SIK2: variants seen among roughly 807,000 people sequenced by gnomAD.
The protein encoded by SIK2 is salt inducible kinase 2, also known as serine/threonine-protein kinase SIK2.
In SIK2, 29 loss-of-function variants were observed where a neutral mutation model predicts 103.2. That is an observed-to-expected ratio of 0.28 (90% CI 0.21 to 0.38). SIK2 has a LOEUF of 0.38. SIK2 is among the 10% of genes least tolerant of loss of function. SIK2 has a pLI of 1.00. For missense variants in SIK2, 879 were observed against 1,171.0 expected, an observed-to-expected ratio of 0.75 and a Z score of 3.64; for synonymous variants, 412 against 446.1, an observed-to-expected ratio of 0.92 and a Z score of 0.96.
At chr11:111,721,773 C>G in intron 12 of SIK2, 57 bp from the exon 13 acceptor site, 1 of 1,389,482 alleles carries the variant, frequency 7.2e-7, no homozygotes, top group Non-Finnish European at 9.9e-7. Flanking sequence ...CAGCTAAGAA[C>G]TGAGACGTTT....
chr11:111,616,291 G>A lies in SIK2; in HGVS notation c.184G>A (p.Glu62Lys). The A allele has an allele frequency of 6.2e-7, 1 of 1,613,780 alleles. No homozygotes were observed. Among genetic ancestry groups the A allele is most frequent in the Non-Finnish European group, 8.5e-7 (1 of 1,179,860 alleles). Residue 62 changes from glutamate (E) to lysine (K), a missense_variant, in exon 2 of 15, where the codon GAG becomes AAG. Physicochemically the swap from Glu to Lys is moderately conservative, Grantham distance 56. This residue lies in a region of SIK2 where 126 missense variants were observed against 245.5 expected (regional missense o/e 0.51). Coordinates refer to ENST00000304987, the MANE Select transcript of SIK2 (RefSeq NM_015191.3). ...GTCTCAGCTGGATGCAGTGAACCTTGAGAAAATCTACCGAGAAGTACAAAT... is the reference window on the plus strand; with the variant it reads ...GTCTCAGCTGGATGCAGTGAACCTTAAGAAAATCTACCGAGAAGTACAAAT... The part of the protein sequence containing the change: ...DKSQLDAVNL[E>K]KIYREVQIMK...
At chr11:111,663,700 T>C (rs1269192039) in intron 3 of SIK2, among the ~76,000 whole-genome samples, 1 of 152,112 alleles carries the variant, frequency 6.6e-6, no homozygotes, top group Non-Finnish European at 1.5e-5. Context: ...CATGAGACGA[T>C]GGTGTCTTGG....
intron 2 of SIK2, among the ~76,000 whole-genome samples, chr11:111,616,864 C>T (rs908425080): frequency 5.3e-5 from 8 of 151,802 alleles, no homozygotes; most frequent in Middle Eastern, 3.2e-3. Flanking sequence ...ATGTATGATA[C>T]GCTGCTTTTT....
chr11:111,623,041 T>C (rs1308090561), intron 3 of SIK2, among the ~76,000 whole-genome samples: 3 of 152,210 alleles, frequency 2.0e-5, no homozygotes, highest in African/African-American at 7.2e-5. Flanking sequence ...GTCAAATGTA[T>C]ATTAAACTGT....
At chr11:111,640,860 G>A (rs959843071) in intron 3 of SIK2, among the ~76,000 whole-genome samples, 7 of 148,240 alleles carry the variant, frequency 4.7e-5, no homozygotes, top group Admixed American at 1.4e-4. Flanking sequence ...TCAGCCTTCC[G>A]AGTAGCTGGG....
In SIK2 at chr11:111,705,182, G is replaced by A; in HGVS notation, c.1101+43G>A. 6.8e-7 allele frequency: 1 copy of A among 1,476,932 alleles called. No homozygotes were observed. Among genetic ancestry groups the A allele is most frequent in the Non-Finnish European group, 8.9e-7 (1 of 1,119,832 alleles). The allele number at this position is 1,476,932 out of a possible 1,614,324, so 91.5% of individuals were successfully genotyped here. On this transcript the variant is annotated intron_variant, in intron 8 of 14. Transcript: ENST00000304987. This position sits in a 1 kb window ranked among gnomAD's most constrained non-coding sequence, Gnocchi z 4.3. ...GAGAGTCTTATCTGTGCATGTGCCTGTTCACATGTTTGATACATTTTTCAT... is the reference window on the plus strand; with the variant it reads ...GAGAGTCTTATCTGTGCATGTGCCTATTCACATGTTTGATACATTTTTCAT...
chr11:111,608,805 A>G (rs1443353218), intron 1 of SIK2, among the ~76,000 whole-genome samples: 1 of 152,136 alleles, frequency 6.6e-6, no homozygotes, highest in African/African-American at 2.4e-5. Flanking sequence ...TCCTCAGTGT[A>G]ATTGCCTAGC....
chr11:111,674,291 ATGTTTCTGG>A (rs1194692641), intron 3 of SIK2, among the ~76,000 whole-genome samples: 1 of 151,922 alleles, frequency 6.6e-6, no homozygotes, highest in East Asian at 1.9e-4. Context: ...TTATCTCCCT[ATGTTTCTGG>A]TATTGGATCA....
chr11:111,697,690 T>C (rs1943109040), intron 4 of SIK2, among the ~76,000 whole-genome samples: 1 of 152,056 alleles, frequency 6.6e-6, no homozygotes, highest in Non-Finnish European at 1.5e-5. Context: ...ATTCTTCAGA[T>C]GATTACAAAT....
intron 1 of SIK2, among the ~76,000 whole-genome samples, chr11:111,611,591 A>C (rs1941727014): frequency 6.6e-6 from 1 of 152,234 alleles, no homozygotes; most frequent in Admixed American, 6.5e-5. Context: ...GTTTGATAGT[A>C]ATCATTCTAG....
At chr11:111,658,745 A>T (rs1474447169) in intron 3 of SIK2, among the ~76,000 whole-genome samples, 3 of 152,126 alleles carry the variant, frequency 2.0e-5, no homozygotes, top group African/African-American at 4.8e-5. Context: ...TGTCACAAAA[A>T]AAAAAGAAGA....
chr11:111,666,558 C>T (rs1942545324), intron 3 of SIK2, among the ~76,000 whole-genome samples: 1 of 152,150 alleles, frequency 6.6e-6, no homozygotes, highest in Admixed American at 6.5e-5. Context: ...TTTTTACCAC[C>T]TCTAATTTCA....
chr11:111,640,859 C>G (rs1281507688), intron 3 of SIK2, among the ~76,000 whole-genome samples: 1 of 150,196 alleles, frequency 6.7e-6, no homozygotes, highest in African/African-American at 2.4e-5. Flanking sequence ...CTCAGCCTTC[C>G]GAGTAGCTGG....
chr11:111,723,268 A>G (rs1943860354), intron 14 of SIK2, among the ~76,000 whole-genome samples: 1 of 152,188 alleles, frequency 6.6e-6, no homozygotes, highest in African/African-American at 2.4e-5. Context: ...AGTCAGAGAA[A>G]ATGCATTCCT....
At chr11:111,661,415 T>C (rs1248202052) in intron 3 of SIK2, among the ~76,000 whole-genome samples, 1 of 152,190 alleles carries the variant, frequency 6.6e-6, no homozygotes, top group East Asian at 1.9e-4. Flanking sequence ...CCAAGAGCCC[T>C]GATGCCTACT....
At chr11:111,635,357 G>A (rs1942093231) in intron 3 of SIK2, among the ~76,000 whole-genome samples, 2 of 145,110 alleles carry the variant, frequency 1.4e-5, no homozygotes. Context: ...GAAAGAAAGA[G>A]AAAGAGAAAA....
At chr11:111,703,121 G>A (rs906855859) in intron 6 of SIK2, 82 bp from the exon 7 acceptor site, 68 of 1,275,846 alleles carry the variant, frequency 5.3e-5, no homozygotes, top group Admixed American at 3.4e-4. Flanking sequence ...TAACACCCTT[G>A]TACAAAGTCA....
At chr11:111,618,231 G>A (rs1941834186) in intron 2 of SIK2, among the ~76,000 whole-genome samples, 1 of 152,156 alleles carries the variant, frequency 6.6e-6, no homozygotes, top group African/African-American at 2.4e-5. Context: ...CTGATGGGAG[G>A]TGGAGCTCAG....
Position 111,703,266 on chromosome 11 carries a change from A to T in SIK2, c.791A>T (p.Gln264Leu). ...LDPSKRLTIA[Q>L]IKEHKWMLIE... ...CCATCCAAACGGCTAACCATAGCCC[A>T]AATCAAGGAGCATAAATGGATGCTC... The change falls in exon 7 of 15, where the codon CAA becomes CTA. Residue 264 changes from glutamine (Q) to leucine (L), a missense_variant. Around this residue, in one of 7 missense-constraint regions of SIK2, gnomAD observed 99 missense variants for 153.9 expected, o/e 0.64. Transcript: ENST00000304987. 1 of 1,614,226 alleles carries T rather than the reference A, an allele frequency of 6.2e-7. No individual in the cohort carries two copies. Among genetic ancestry groups the T allele is most frequent in the Non-Finnish European group, 8.5e-7 (1 of 1,180,032 alleles).
Sources: gnomAD v4.1 joint callset for allele counts (sites outside exome capture counted in the v4.1 genomes callset) on GRCh38, gnomAD v4.1.1 for gene constraint, gnomAD v4.1.1 regional missense constraint, Gnocchi (gnomAD v3.1) non-coding constraint, MANE v1.5 for transcripts, NCBI Gene and HGNC (gene_info 2026-07-23, HGNC 2026-07-21) for gene names.